The following NEDD4 variants were observed in gnomAD, a reference collection of about 807,000 sequenced individuals.
The protein encoded by NEDD4 is NEDD4 E3 ubiquitin protein ligase.
NEDD4 carries 99 observed loss-of-function variants against 144.9 expected under a neutral mutation model. The ratio of observed to expected loss-of-function variants is 0.68; its 90% CI spans 0.58 to 0.81. The LOEUF is 0.81. Among genes scored for constraint, NEDD4 ranks in the 30% least tolerant of loss-of-function variants. NEDD4 has a pLI of 0.00. For missense variants in NEDD4, 985 were observed against 1,065.9 expected, an observed-to-expected ratio of 0.92 and a Z score of 1.06; for synonymous variants, 318 against 350.6, an observed-to-expected ratio of 0.91 and a Z score of 1.04.
At chr15:55,858,461 C>T (rs1429828323) in intron 11 of NEDD4, among the ~76,000 whole-genome samples, 1 of 152,134 alleles carries the variant, frequency 6.6e-6, no homozygotes, top group African/African-American at 2.4e-5. Context: ...GTGTGCACCA[C>T]CACACCGAGC....
intron 4 of NEDD4, among the ~76,000 whole-genome samples, chr15:55,936,016 A>G (rs1370036819): frequency 6.6e-6 from 1 of 151,762 alleles, no homozygotes; most frequent in Non-Finnish European, 1.5e-5. Context: ...GCAATGACCA[A>G]CCTTCTTCTA....
rs540707816 is a variant in NEDD4, at chr15:55,933,206, T to C, written c.238-8507A>G. Among the ~76,000 whole-genome samples the C allele has an allele frequency of 3.2e-3, 494 of 152,228 alleles. 1 individual carries two copies. Among genetic ancestry groups the C allele is most frequent in the African/African-American group, 0.011 (473 of 41,520 alleles). ...TATATACCCAAAGGATTATAAATCA[T>C]GCTGCTATAAAGACACATGCACACG... On this transcript the variant is annotated intron_variant, in intron 4 of 28. Transcript: ENST00000435532.
intron 4 of NEDD4, among the ~76,000 whole-genome samples, chr15:55,937,969 C>T (rs777577931): frequency 6.6e-5 from 10 of 152,078 alleles, no homozygotes; most frequent in African/African-American, 9.7e-5. Flanking sequence ...CAGACAGAGA[C>T]GGATGAAATA....
intron 21 of NEDD4, 117 bp from the exon 22 acceptor site, chr15:55,838,721 C>T (rs1203466795): frequency 4.7e-6 from 3 of 634,154 alleles, no homozygotes; most frequent in Non-Finnish European, 8.2e-6. Flanking sequence ...AGATGGACAT[C>T]CTTTACTTAC....
intron 24 of NEDD4, among the ~76,000 whole-genome samples, chr15:55,834,946 G>A (rs1396004748): frequency 6.6e-5 from 10 of 152,140 alleles, no homozygotes; most frequent in African/African-American, 2.4e-4. Flanking sequence ...TCTTCTTTCA[G>A]GCTAGGCCTG....
At chr15:55,903,605 A>T (rs112161618) in intron 5 of NEDD4, among the ~76,000 whole-genome samples, 3,648 of 152,042 alleles carry the variant, frequency 0.024, 64 homozygotes, top group Non-Finnish European at 0.035. Flanking sequence ...TGGGTGGATC[A>T]CGAGGTCAGG....
intron 5 of NEDD4, among the ~76,000 whole-genome samples, chr15:55,904,881 T>C (rs2036034889): frequency 6.6e-6 from 1 of 151,488 alleles, no homozygotes; most frequent in Non-Finnish European, 1.5e-5. Context: ...TCACCTGAGG[T>C]TGGGAGTTTG....
chr15:55,850,433 A>T, intron 14 of NEDD4, 109 bp downstream of exon 14: 5 of 984,590 alleles, frequency 5.1e-6, no homozygotes, highest in Non-Finnish European at 7.7e-6. Context: ...CTTTCAATGA[A>T]TATTAGGAAA....
intron 1 of NEDD4, among the ~76,000 whole-genome samples, chr15:55,993,253 G>C (rs1301582413): frequency 1.3e-5 from 2 of 152,176 alleles, no homozygotes; most frequent in African/African-American, 4.8e-5. Context: ...GAAGGAAACT[G>C]ACAAGTAAGG....
At chr15:55,849,386 A>C (rs2033886503) in intron 14 of NEDD4, among the ~76,000 whole-genome samples, 2 of 151,766 alleles carry the variant, frequency 1.3e-5, no homozygotes, top group African/African-American at 4.8e-5. Flanking sequence ...CACCATGCCT[A>C]GCTAATTTTT....
At chr15:55,960,789 A>G (rs1220113116) in intron 2 of NEDD4, among the ~76,000 whole-genome samples, 1 of 152,148 alleles carries the variant, frequency 6.6e-6, no homozygotes, top group Non-Finnish European at 1.5e-5. Context: ...TCCCTGAGGG[A>G]AACCTGCTTG....
At chr15:55,878,388 T>A (rs929036705) in intron 5 of NEDD4, among the ~76,000 whole-genome samples, 1 of 152,084 alleles carries the variant, frequency 6.6e-6, no homozygotes, top group Middle Eastern at 3.2e-3. Flanking sequence ...AACAAGAAGA[T>A]AAATAAATGG....
At chr15:55,898,788 C>G (rs965476411) in intron 5 of NEDD4, among the ~76,000 whole-genome samples, 11 of 151,826 alleles carry the variant, frequency 7.2e-5, no homozygotes, top group African/African-American at 2.7e-4. Flanking sequence ...CAAGCGCCAC[C>G]ACACCTGGCT....
intron 5 of NEDD4, among the ~76,000 whole-genome samples, chr15:55,913,587 A>C (rs957381479): frequency 6.6e-6 from 1 of 152,034 alleles, no homozygotes; most frequent in Admixed American, 6.5e-5. Context: ...TTATTTTATA[A>C]TCCAATAATC....
In NEDD4 at chr15:55,848,809, T is replaced by A; in HGVS notation, c.1425A>T (p.Leu475Phe). The part of the protein sequence containing the change: ...SLDTSNDLGP[L>F]PPGWEERTHT... ...GTTAGCATTTCTATACACTTACAGG[T>A]AAAGGCCCTAGATCATTGGAAGTAT... The change falls in exon 15 of 29, where the codon TTA (leucine) becomes TTT (phenylalanine). Residue 475 changes from leucine (L) to phenylalanine (F), a missense_variant. Leu to Phe is a conservative substitution (Grantham distance 22, BLOSUM62 0). Coordinates refer to ENST00000435532, the MANE Select transcript of NEDD4 (RefSeq NM_006154.4). 2 of 1,613,166 alleles carry A rather than the reference T, an allele frequency of 1.2e-6. No individual in the cohort carries two copies. Among genetic ancestry groups the A allele is most frequent in the Non-Finnish European group, 1.7e-6 (2 of 1,179,308 alleles).
intron 8 of NEDD4, among the ~76,000 whole-genome samples, chr15:55,867,757 A>G (rs1347143347): frequency 6.6e-6 from 1 of 152,328 alleles, no homozygotes; most frequent in South Asian, 2.1e-4. Flanking sequence ...TGATTTGAAG[A>G]AAAAAGGTTC....
intron 1 of NEDD4, among the ~76,000 whole-genome samples, chr15:55,986,198 T>TA (rs2037888467): frequency 6.6e-6 from 1 of 152,252 alleles, no homozygotes; most frequent in African/African-American, 2.4e-5. Context: ...GAGATGGAAA[T>TA]AAAACAAAAT....
intron 4 of NEDD4, among the ~76,000 whole-genome samples, chr15:55,942,064 T>C (rs2037016680): frequency 3.0e-5 from 1 of 33,494 alleles, no homozygotes; most frequent in Non-Finnish European, 6.5e-5. Flanking sequence ...ATATTTACTA[T>C]TTTTTTTTTG....
At chr15:55,978,429 T>G (rs2037740972) in intron 1 of NEDD4, among the ~76,000 whole-genome samples, 1 of 152,248 alleles carries the variant, frequency 6.6e-6, no homozygotes, top group Non-Finnish European at 1.5e-5. Flanking sequence ...CAAATTAGTC[T>G]TTTCCATCAC....
Sources: gnomAD v4.1 joint callset for allele counts (sites outside exome capture counted in the v4.1 genomes callset) on GRCh38, gnomAD v4.1.1 for gene constraint, MANE v1.5 for transcripts, NCBI Gene and HGNC (gene_info 2026-07-23, HGNC 2026-07-21) for gene names.